The following ARMH4 variants were observed in gnomAD, a reference collection of about 807,000 sequenced individuals.
ARMH4 encodes armadillo-like helical domain-containing protein 4.
ARMH4 carries 49 observed loss-of-function variants against 61.9 expected under a neutral mutation model. The observed-to-expected ratio is 0.79, with a 90% CI of 0.63 to 1.00. ARMH4 has a LOEUF of 1.00. ARMH4 is among the 50% of genes least tolerant of loss of function. ARMH4 has a pLI of 0.00. For missense variants in ARMH4, 934 were observed against 930.0 expected, an observed-to-expected ratio of 1.00 and a Z score of -0.06; for synonymous variants, 368 against 341.5, an observed-to-expected ratio of 1.08 and a Z score of -0.85.
In ARMH4 at chr14:58,003,424, C is replaced by G. The variant is rs1479968752; in HGVS notation, c.*1312G>C. The G allele has an allele frequency of 6.6e-6, 1 of 152,202 alleles. No homozygotes were observed. The highest frequency in any genetic ancestry group is 1.5e-5 in the Non-Finnish European group (1 of 68,028). The allele number at this position is 152,202 out of a possible 1,614,324, so 9.4% of individuals were successfully genotyped here. ...TCTGAGGAATAACTGTGCAACTTTTCTTGAACATAGTAGACAACTTCTAAT... is the reference window on the plus strand; with the variant it reads ...TCTGAGGAATAACTGTGCAACTTTTGTTGAACATAGTAGACAACTTCTAAT... On this transcript the variant is annotated 3_prime_UTR_variant, in exon 8 of 8. Transcript: ENST00000267485.
In ARMH4 at chr14:58,138,819, T is replaced by C. The variant is rs1282642771; in HGVS notation, c.540A>G (p.Thr180=). The C allele has an allele frequency of 3.7e-6, 6 of 1,614,234 alleles. No individual in the cohort carries two copies. The highest frequency in any genetic ancestry group is 4.2e-6 in the Non-Finnish European group (5 of 1,180,040). ...QPIVEEITET[T]KGFLKYMDNQ... is the part of the protein sequence containing the mutation. Reference sequence around the variant, plus strand: ...TATCCATATACTTCAGAAAACCTTTTGTGGTTTCTGTGATCTCTTCTACAA... The same window carrying C: ...TATCCATATACTTCAGAAAACCTTTCGTGGTTTCTGTGATCTCTTCTACAA... The change falls in exon 2 of 8, where the codon ACA becomes ACG. Residue 180 remains threonine, a synonymous_variant. Transcript: ENST00000267485.
At chr14:58,125,310 C>A (rs1459774184) in intron 4 of ARMH4, among the ~76,000 whole-genome samples, 8 of 152,012 alleles carry the variant, frequency 5.3e-5, no homozygotes, top group African/African-American at 1.9e-4. Flanking sequence ...AGATGGCTAG[C>A]CACCGAAGAA....
intron 5 of ARMH4, among the ~76,000 whole-genome samples, chr14:58,068,377 T>A (rs1395986628): frequency 6.6e-6 from 1 of 152,214 alleles, no homozygotes; most frequent in Non-Finnish European, 1.5e-5. Context: ...TGTTGTAGTC[T>A]TGAAAGATGT....
At chr14:58,101,881 T>A (rs935517045) in intron 4 of ARMH4, among the ~76,000 whole-genome samples, 1 of 152,194 alleles carries the variant, frequency 6.6e-6, no homozygotes, top group Non-Finnish European at 1.5e-5. Context: ...AGAAGAAGTC[T>A]GTTCTTTAAT....
Position 58,138,739 on chromosome 14 carries a change from G to A in ARMH4, c.620C>T (p.Ser207Leu), listed in dbSNP as rs762869222. The change falls in exon 2 of 8, where the codon TCA becomes TTA. Residue 207 changes from serine (S) to leucine (L), a missense_variant. By Grantham distance (145) the Ser-to-Leu change is moderately radical. Coordinates refer to ENST00000267485, the MANE Select transcript of ARMH4 (RefSeq NM_001001872.4). ...QEGVGLGHSP[S>L]SYVNTKEMLT... ...CATTTCCTTAGTATTCACATAGGATGAAGGTGAATGTCCCAAACCAACTCC... is the reference window on the plus strand; with the variant it reads ...CATTTCCTTAGTATTCACATAGGATAAAGGTGAATGTCCCAAACCAACTCC... The A allele has an allele frequency of 6.2e-7, 1 of 1,614,158 alleles. No individual in the cohort carries two copies. The highest frequency in any genetic ancestry group is 2.2e-5 in the East Asian group (1 of 44,884).
At chr14:58,007,218 C>T (rs1882210688) in intron 6 of ARMH4, among the ~76,000 whole-genome samples, 1 of 152,184 alleles carries the variant, frequency 6.6e-6, no homozygotes, top group Non-Finnish European at 1.5e-5. Context: ...CTGTGCATGT[C>T]TCCTCATACT....
In ARMH4 at chr14:58,005,184, T is replaced by C; in HGVS notation, c.2122-2A>G. The C allele has an allele frequency of 6.2e-7, 1 of 1,613,884 alleles. No individual in the cohort carries two copies. Among genetic ancestry groups the C allele is most frequent in the South Asian group, 1.1e-5 (1 of 91,076 alleles). On this transcript the variant is annotated splice_acceptor_variant, in intron 6 of 7. Transcript: ENST00000267485. LOFTEE classifies it high-confidence loss of function. Reference sequence around the variant, plus strand: ...CAGCATCCCAGACATGTAACCAGCCTGCATAGAAAAGGAAACACACATTAG... The same window carrying C: ...CAGCATCCCAGACATGTAACCAGCCCGCATAGAAAAGGAAACACACATTAG...
chr14:58,098,809 T>G (rs573626058), intron 4 of ARMH4, among the ~76,000 whole-genome samples: 1 of 151,796 alleles, frequency 6.6e-6, no homozygotes, highest in African/African-American at 2.4e-5. Context: ...TTTATTTCAA[T>G]AGGTTTTTGG....
At chr14:58,089,063 G>A (rs536080464) in intron 5 of ARMH4, among the ~76,000 whole-genome samples, 50 of 152,166 alleles carry the variant, frequency 3.3e-4, no homozygotes, top group Non-Finnish European at 6.5e-4. Context: ...AGCCAAGATT[G>A]AGAGCAGTCA....
chr14:58,085,376 G>C (rs139068759), intron 5 of ARMH4, among the ~76,000 whole-genome samples: 56 of 112,422 alleles, frequency 5.0e-4, no homozygotes, highest in African/African-American at 1.7e-3. Flanking sequence ...ATTCCCAGAA[G>C]AGCCTACTAG....
chr14:58,151,409 TC>T (rs1321957048), intron 1 of ARMH4, among the ~76,000 whole-genome samples: 1 of 151,996 alleles, frequency 6.6e-6, no homozygotes, highest in African/African-American at 2.4e-5. Context: ...GAGCCTCGCC[TC>T]CCCCAGGTCT....
chr14:58,122,536 G>A (rs1309041870), intron 4 of ARMH4, among the ~76,000 whole-genome samples: 3 of 152,070 alleles, frequency 2.0e-5, no homozygotes, highest in Non-Finnish European at 4.4e-5. Flanking sequence ...TAGGCCCGGA[G>A]CAAAACTTAG....
At chr14:58,062,843 AG>A (rs1424565635) in intron 5 of ARMH4, among the ~76,000 whole-genome samples, 2 of 152,224 alleles carry the variant, frequency 1.3e-5, no homozygotes, top group African/African-American at 4.8e-5. Context: ...GACCTCAGCA[AG>A]GGCAATTTTA....
At chr14:58,145,552 C>T (rs1385882713) in intron 1 of ARMH4, among the ~76,000 whole-genome samples, 1 of 152,118 alleles carries the variant, frequency 6.6e-6, no homozygotes, top group Admixed American at 6.6e-5. Context: ...TTAATACAGC[C>T]CCACTGCCTT....
intron 5 of ARMH4, among the ~76,000 whole-genome samples, chr14:58,016,580 C>G (rs1317220893): frequency 1.3e-5 from 2 of 152,114 alleles, no homozygotes; most frequent in Non-Finnish European, 2.9e-5. Context: ...ACACATTTTA[C>G]AACAAAACCC....
At chr14:58,136,588 A>T (rs1349315288) in intron 2 of ARMH4, among the ~76,000 whole-genome samples, 1 of 152,172 alleles carries the variant, frequency 6.6e-6, no homozygotes, top group Non-Finnish European at 1.5e-5. Flanking sequence ...CACCATTTTA[A>T]TTCAATCTCA....
At chr14:58,040,946 A>G (rs2141181862) in intron 5 of ARMH4, among the ~76,000 whole-genome samples, 1 of 152,348 alleles carries the variant, frequency 6.6e-6, no homozygotes, top group South Asian at 2.1e-4. Flanking sequence ...AAAGTATCCT[A>G]CGTTCCTCTA....
intron 5 of ARMH4, among the ~76,000 whole-genome samples, chr14:58,058,652 A>C (rs1371539534): frequency 2.6e-5 from 4 of 152,166 alleles, no homozygotes; most frequent in Non-Finnish European, 5.9e-5. Context: ...ATTACAGTAT[A>C]ATGAGCAATG....
At position 58,097,129 on chromosome 14, in the gene ARMH4, T is replaced by C. The variant is rs758448649; in HGVS notation, c.1832-148A>G. ...ATAGCCAAAGTCAGACAATGTGAAC[T>C]TTGCAGGATTATACACCCACCATAT... On this transcript the variant is annotated intron_variant, in intron 4 of 7. Coordinates refer to ENST00000267485, the MANE Select transcript of ARMH4 (RefSeq NM_001001872.4). The C allele has an allele frequency of 3.4e-6, 3 of 890,512 alleles. No individual in the cohort carries two copies. In the Admixed American group the frequency reaches 6.1e-5, roughly 18 times the overall value. The allele number at this position is 890,512 out of a possible 1,614,324, so 55.2% of individuals were successfully genotyped here. A position where few individuals can be genotyped will look rare whatever the true frequency, so the allele number is the denominator to read the frequency against.
Sources: allele counts gnomAD v4.1 joint callset (sites outside exome capture counted in the v4.1 genomes callset), GRCh38; gene constraint gnomAD v4.1.1; transcripts MANE v1.5; gene names NCBI Gene and HGNC (gene_info 2026-07-23, HGNC 2026-07-21).